Variants in UNC5C observed in about 807,000 individuals in gnomAD.
UNC5C encodes the protein unc-5 netrin receptor C.
Under a neutral mutation model 99.8 loss-of-function variants are expected in UNC5C, and 47 were observed. The observed-to-expected ratio is 0.47, with a 90% CI of 0.37 to 0.60. The LOEUF (loss-of-function observed/expected upper bound fraction) is 0.60. Ranked by LOEUF, UNC5C falls within the 20% of genes least tolerant of loss-of-function variation. UNC5C has a pLI of 0.00. For synonymous variants in UNC5C, 487 were observed against 452.2 expected, an observed-to-expected ratio of 1.08 and a Z score of -0.98; for missense variants, 1,062 against 1,165.9, an observed-to-expected ratio of 0.91 and a Z score of 1.30.
At chr4:95,363,356 G>A (rs765543138) in intron 1 of UNC5C, among the ~76,000 whole-genome samples, 2 of 152,114 alleles carry the variant, frequency 1.3e-5, no homozygotes, top group Non-Finnish European at 2.9e-5. Context: ...GATTACAGAG[G>A]TCTTCGGGCA....
At chr4:95,277,173 A>G (rs1292888511) in intron 4 of UNC5C, among the ~76,000 whole-genome samples, 2 of 152,218 alleles carry the variant, frequency 1.3e-5, no homozygotes, top group African/African-American at 4.8e-5. Context: ...TTTCCGTTTC[A>G]GAGATAGGCA....
chr4:95,175,254 A>C (rs1001001442), intron 14 of UNC5C, among the ~76,000 whole-genome samples: 1 of 151,644 alleles, frequency 6.6e-6, no homozygotes, highest in African/African-American at 2.4e-5. Context: ...TTTAAAGTTA[A>C]TATTGTTATG....
At chr4:95,315,153 A>G (rs760460494) in intron 2 of UNC5C, among the ~76,000 whole-genome samples, 23 of 152,164 alleles carry the variant, frequency 1.5e-4, no homozygotes, top group Non-Finnish European at 2.1e-4. Context: ...CATTTATTCA[A>G]TAGGTATTTA....
chr4:95,498,285 G>T (rs1721681628), intron 1 of UNC5C, among the ~76,000 whole-genome samples: 1 of 151,908 alleles, frequency 6.6e-6, no homozygotes, highest in Non-Finnish European at 1.5e-5. Context: ...CTTACCAGTT[G>T]TAATGATCTT....
At chr4:95,185,258 C>G in intron 12 of UNC5C, 62 bp from the exon 13 acceptor site, 3 of 1,526,970 alleles carry the variant, frequency 2.0e-6, no homozygotes, top group South Asian at 1.3e-5. Context: ...TGTCAGCTCT[C>G]TCATTGAATA....
chr4:95,515,014 T>C (rs1348216384), intron 1 of UNC5C, among the ~76,000 whole-genome samples: 1 of 152,146 alleles, frequency 6.6e-6, no homozygotes, highest in Non-Finnish European at 1.5e-5. Context: ...TCCTTGATAT[T>C]TCTCCATCTC....
chr4:95,237,786 G>A (rs747625400), intron 7 of UNC5C, among the ~76,000 whole-genome samples: 2 of 152,094 alleles, frequency 1.3e-5, no homozygotes, highest in African/African-American at 2.4e-5. Context: ...AGTGGCTCAC[G>A]CCTGTAATCC....
chr4:95,191,237 G>A (rs1737075598), intron 12 of UNC5C, among the ~76,000 whole-genome samples: 1 of 152,154 alleles, frequency 6.6e-6, no homozygotes, highest in African/African-American at 2.4e-5. Context: ...TGCCTCATCT[G>A]CTTCTCTTGT....
chr4:95,315,025 C>T (rs886741779), intron 2 of UNC5C, among the ~76,000 whole-genome samples: 4 of 152,034 alleles, frequency 2.6e-5, no homozygotes, highest in Non-Finnish European at 4.4e-5. Context: ...GGAAATCCGT[C>T]TTTGTGTATC....
At chr4:95,510,369 T>A (rs571346400) in intron 1 of UNC5C, among the ~76,000 whole-genome samples, 171 of 152,240 alleles carry the variant, frequency 1.1e-3, no homozygotes, top group African/African-American at 4.0e-3. Flanking sequence ...CTCTCAGTTA[T>A]AAATACGTGA....
Position 95,166,777 on chromosome 4 carries a change from TC to T in UNC5C, c.*2456del, listed in dbSNP as rs2149341654. The T allele has an allele frequency of 6.6e-6, 1 of 152,278 alleles. No homozygotes were observed. The highest frequency in any genetic ancestry group is 1.9e-4 in the East Asian group (1 of 5,172). The allele number at this position is 152,278 out of a possible 1,614,324, so 9.4% of individuals were successfully genotyped here. ...TCAAAATGTAGGAATGGACAATAGC[TC>T]TCTTTCCTCCTCCTCCTTTTAAAAA... On this transcript the variant is annotated 3_prime_UTR_variant, in exon 16 of 16. Transcript: ENST00000453304.
chr4:95,177,210 G>A (rs1019598523), intron 14 of UNC5C, among the ~76,000 whole-genome samples: 1 of 152,290 alleles, frequency 6.6e-6, no homozygotes, highest in African/African-American at 2.4e-5. Context: ...CTTATGCGTC[G>A]CTCACACTGG....
chr4:95,239,864 A>G (rs570490515), intron 7 of UNC5C, among the ~76,000 whole-genome samples: 95 of 152,348 alleles, frequency 6.2e-4, no homozygotes, highest in African/African-American at 2.2e-3. Context: ...CCTCTTAAGT[A>G]CCAAGTTAGC....
In UNC5C at chr4:95,219,114, C is replaced by G; in HGVS notation, c.1500G>C (p.Lys500Asn). ...ACGACTGGGTCATCTGAGGGGACAGCTTGGACGTAAACTCAGAGAGGTCAT... is the reference window on the plus strand; with the variant it reads ...ACGACTGGGTCATCTGAGGGGACAGGTTGGACGTAAACTCAGAGAGGTCAT... ...PQDDLSEFTS[K>N]LSPQMTQSLL... Residue 500 changes from lysine (K) to asparagine (N), a missense_variant, in exon 9 of 16, where the codon AAG (lysine) becomes AAC (asparagine). Lys to Asn is a moderately conservative substitution (Grantham distance 94). This residue lies in a region of UNC5C where 810 missense variants were observed against 854.5 expected (regional missense o/e 0.95). Transcript: ENST00000453304. 1 of 1,614,106 alleles carries G rather than the reference C, an allele frequency of 6.2e-7. No individual in the cohort carries two copies. The highest frequency in any genetic ancestry group is 8.5e-7 in the Non-Finnish European group (1 of 1,180,018).
intron 1 of UNC5C, among the ~76,000 whole-genome samples, chr4:95,408,691 C>T (rs1745894392): frequency 2.0e-5 from 3 of 152,010 alleles, no homozygotes; most frequent in Admixed American, 2.0e-4. Context: ...TGAAATATTT[C>T]TAATATAAAA....
intron 4 of UNC5C, among the ~76,000 whole-genome samples, chr4:95,264,746 C>T (rs915922932): frequency 2.6e-5 from 4 of 152,194 alleles, no homozygotes; most frequent in African/African-American, 9.7e-5. Context: ...TCAAACTTCA[C>T]TTTCAAAGGT....
chr4:95,401,189 C>T (rs1324954857), intron 1 of UNC5C, among the ~76,000 whole-genome samples: 1 of 152,054 alleles, frequency 6.6e-6, no homozygotes, highest in Non-Finnish European at 1.5e-5. Flanking sequence ...TAGTAGAGTG[C>T]CTACCATGTG....
At chr4:95,186,808 C>T (rs928961632) in intron 12 of UNC5C, among the ~76,000 whole-genome samples, 5 of 151,982 alleles carry the variant, frequency 3.3e-5, no homozygotes, top group Non-Finnish European at 4.4e-5. Flanking sequence ...GACAGGAGCC[C>T]GAGCAGTCAG....
At chr4:95,337,785 A>C (rs569276881) in intron 1 of UNC5C, among the ~76,000 whole-genome samples, 6 of 152,136 alleles carry the variant, frequency 3.9e-5, no homozygotes, top group African/African-American at 9.6e-5. Flanking sequence ...CTTATTAAGG[A>C]AGATTTCTAT....
Sources: allele counts gnomAD v4.1 joint callset (sites outside exome capture counted in the v4.1 genomes callset), GRCh38; gene constraint gnomAD v4.1.1; regional missense constraint gnomAD v4.1.1; transcripts MANE v1.5; gene names NCBI Gene and HGNC (gene_info 2026-07-23, HGNC 2026-07-21).